Variants in TENM2 observed in about 807,000 individuals in gnomAD.
TENM2 encodes the protein teneurin-2.
A neutral mutation model predicts 245.2 loss-of-function variants in TENM2; 52 were observed. The observed-to-expected ratio is 0.21, with a 90% CI of 0.17 to 0.27. The LOEUF is 0.27. Ranked by LOEUF, TENM2 falls within the 10% of genes least tolerant of loss-of-function variation. TENM2 has a pLI of 1.00. For missense variants in TENM2, 3,046 were observed against 3,666.8 expected (o/e 0.83, Z 4.37); for synonymous variants, 1,363 against 1,438.9 (o/e 0.95, Z 1.19).
chr5:167,819,860 G>A (rs929171015), intron 2 of TENM2, among the ~76,000 whole-genome samples: 13 of 152,186 alleles, frequency 8.5e-5, no homozygotes, highest in Admixed American at 7.2e-4. Context: ...GGGCACCAAG[G>A]AGCATTTGTG....
rs79426309 is a variant in TENM2, at chr5:168,094,244, T to A, written c.1711+3475T>A. Among the ~76,000 whole-genome samples, 5 of 152,194 alleles carry A rather than the reference T, an allele frequency of 3.3e-5. No individual in the cohort carries two copies. The East Asian group carries it at 9.7e-4, about 29-fold the overall frequency. ...GAGCTGAGACACAATGGTAAATACC[T>A]CAAGTGAAGCCCTCCAGCCAAGCAA... On this transcript the variant is annotated intron_variant, in intron 8 of 28. Coordinates refer to ENST00000518659, the Ensembl canonical transcript of TENM2.
the TENM2 span, among the ~76,000 whole-genome samples, chr5:167,210,619 G>A: frequency 7.9e-5 from 12 of 151,328 alleles, no homozygotes; most frequent in Admixed American, 3.9e-4. Flanking sequence ...GCCCGCCACC[G>A]CGCCCGGCTA....
At chr5:167,086,888 G>C in the TENM2 span, among the ~76,000 whole-genome samples, 1 of 149,810 alleles carries the variant, frequency 6.7e-6, no homozygotes, top group Non-Finnish European at 1.5e-5. Context: ...TTCAATGTTG[G>C]CTGTGTTTTA....
At chr5:168,214,470 A>G (rs780467526) in intron 20 of TENM2, among the ~76,000 whole-genome samples, 64 of 152,224 alleles carry the variant, frequency 4.2e-4, no homozygotes, top group Non-Finnish European at 7.9e-4. Flanking sequence ...ACTAAATGCC[A>G]ACTTTATCCA....
intron 2 of TENM2, among the ~76,000 whole-genome samples, chr5:167,768,912 T>A (rs1301321036): frequency 3.3e-5 from 5 of 152,162 alleles, no homozygotes; most frequent in African/African-American, 1.2e-4. Context: ...AGGAGGAAGA[T>A]TCTAGAGGGT....
At chr5:167,897,210 A>T (rs1561909247) in intron 3 of TENM2, among the ~76,000 whole-genome samples, 1 of 152,106 alleles carries the variant, frequency 6.6e-6, no homozygotes, top group Non-Finnish European at 1.5e-5. Flanking sequence ...CCTCCAATTT[A>T]GCAAGCAATG....
intron 19 of TENM2, among the ~76,000 whole-genome samples, chr5:168,210,768 C>G (rs1027730748): frequency 1.3e-5 from 2 of 152,156 alleles, no homozygotes; most frequent in African/African-American, 4.8e-5. Context: ...TTCCCTGAAG[C>G]CTTTCTCCTC....
chr5:167,429,826 C>CA (rs774028072), intron 2 of TENM2, among the ~76,000 whole-genome samples: 4 of 152,020 alleles, frequency 2.6e-5, no homozygotes, highest in Non-Finnish European at 5.9e-5. Context: ...AGGCTGGTCT[C>CA]AAACTCCTGA....
chr5:167,791,373 G>A (rs972672383), intron 2 of TENM2, among the ~76,000 whole-genome samples: 2 of 138,138 alleles, frequency 1.4e-5, no homozygotes. Context: ...CCACAGGATG[G>A]ATAGCAAAGT....
chr5:167,139,624 T>G, the TENM2 span, among the ~76,000 whole-genome samples: 1 of 152,218 alleles, frequency 6.6e-6, no homozygotes, highest in Non-Finnish European at 1.5e-5. Context: ...CTTAGCAAAG[T>G]CAATCGTTAG....
chr5:167,587,817 G>A (rs1775607077), intron 2 of TENM2, among the ~76,000 whole-genome samples: 1 of 152,190 alleles, frequency 6.6e-6, no homozygotes, highest in Non-Finnish European at 1.5e-5. Context: ...CAGTGATGCA[G>A]TGAAAGGTGT....
intron 2 of TENM2, among the ~76,000 whole-genome samples, chr5:167,744,768 T>G (rs1693591234): frequency 6.6e-6 from 1 of 152,118 alleles, no homozygotes; most frequent in Non-Finnish European, 1.5e-5. Flanking sequence ...TGATGTATTG[T>G]GGACACTGTT....
At chr5:167,127,869 AG>A in the TENM2 span, among the ~76,000 whole-genome samples, 1 of 152,144 alleles carries the variant, frequency 6.6e-6, no homozygotes, top group East Asian at 1.9e-4. Context: ...AATGCTGTCC[AG>A]GGGATCCTTC....
chr5:167,913,065 G>GA lies in TENM2; in HGVS notation c.712+36878dup, dbSNP rs891292862. On this transcript the variant is annotated intron_variant, in intron 3 of 28. Transcript: ENST00000518659. ...TTCCATAGCATCCCTGCATTCCAGA[G>GA]AAAAAAAACTATGCAGCAACCTCAG... is the stretch of plus-strand genomic sequence containing the variant. Among the ~76,000 whole-genome samples, 7 of 152,048 alleles carry GA rather than the reference G, an allele frequency of 4.6e-5. No individual in the cohort carries two copies. In the East Asian group the frequency reaches 7.8e-4, roughly 17 times the overall value.
At chr5:167,808,395 G>A (rs1766388786) in intron 2 of TENM2, among the ~76,000 whole-genome samples, 2 of 152,268 alleles carry the variant, frequency 1.3e-5, no homozygotes, top group South Asian at 4.1e-4. Context: ...AAGTAGCTGG[G>A]ATTACAGGCA....
At chr5:167,037,730 C>T in the TENM2 span, among the ~76,000 whole-genome samples, 10 of 152,058 alleles carry the variant, frequency 6.6e-5, no homozygotes, top group African/African-American at 2.2e-4. Context: ...AGAGAGGAAC[C>T]GTAAAGGGAA....
At chr5:167,157,023 A>G in the TENM2 span, among the ~76,000 whole-genome samples, 1 of 152,150 alleles carries the variant, frequency 6.6e-6, no homozygotes, top group African/African-American at 2.4e-5. Flanking sequence ...ATTCGCATTT[A>G]TTTTCATGCA....
At chr5:168,196,852 T>C (rs1761472467) in intron 15 of TENM2, among the ~76,000 whole-genome samples, 1 of 152,222 alleles carries the variant, frequency 6.6e-6, no homozygotes, top group African/African-American at 2.4e-5. Flanking sequence ...CCTGATGTGC[T>C]ATTTTCCCTT....
chr5:167,695,764 G>A (rs1304315254), intron 2 of TENM2, among the ~76,000 whole-genome samples: 8 of 151,686 alleles, frequency 5.3e-5, no homozygotes, highest in Admixed American at 5.2e-4. Context: ...GCTGGGTGCG[G>A]TGGCTCACGC....
Sources: allele counts gnomAD v4.1 joint callset (sites outside exome capture counted in the v4.1 genomes callset), GRCh38; gene constraint gnomAD v4.1.1; transcripts MANE v1.5; gene names NCBI Gene and HGNC (gene_info 2026-07-23, HGNC 2026-07-21).